Variants in C4orf50 observed in about 807,000 individuals in gnomAD.
C4orf50 encodes the protein chromosome 4 open reading frame 50, also known as uncharacterized protein C4orf50.
A neutral mutation model predicts 77.2 loss-of-function variants in C4orf50; 80 were observed. The ratio of observed to expected loss-of-function variants is 1.04; its 90% CI spans 0.87 to 1.25. The LOEUF (loss-of-function observed/expected upper bound fraction) is 1.25. Ranked by LOEUF, C4orf50 falls within the 50% of genes most tolerant of loss-of-function variation. C4orf50 has a pLI of 0.00. For missense variants in C4orf50, 1,257 were observed against 1,152.9 expected (o/e 1.09, Z -1.31); for synonymous variants, 532 against 465.3 (o/e 1.14, Z -1.84).
chr4:6,013,338 T>C (rs574925716), intron 23 of C4orf50, among the ~76,000 whole-genome samples: 11 of 152,274 alleles, frequency 7.2e-5, no homozygotes, highest in Non-Finnish European at 1.6e-4. Flanking sequence ...CGATGAGTTA[T>C]ACAATATGGG....
intron 32 of C4orf50, among the ~76,000 whole-genome samples, chr4:5,966,504 CA>C (rs1026428952): frequency 1.4e-4 from 21 of 150,944 alleles, no homozygotes; most frequent in African/African-American, 5.1e-4. Flanking sequence ...ATAAAAATAG[CA>C]GAATTAAAAA....
intron 25 of C4orf50, among the ~76,000 whole-genome samples, chr4:6,004,215 ATGGTGATGATG>A (rs1560598762): frequency 0.011 from 1,174 of 102,422 alleles, 2 homozygotes; most frequent in East Asian, 0.024. Context: ...GATGATGGTG[ATGGTGATGATG>A]TGATGGTGAT....
At chr4:5,961,782 T>C (rs1577935782) in intron 33 of C4orf50, among the ~76,000 whole-genome samples, 4 of 152,326 alleles carry the variant, frequency 2.6e-5, no homozygotes, top group African/African-American at 7.2e-5. Context: ...TTGTCAGCCT[T>C]TTCAGGACAT....
intron 7 of C4orf50, among the ~76,000 whole-genome samples, chr4:5,907,446 G>A (rs1295274129): frequency 6.6e-6 from 1 of 152,188 alleles, no homozygotes; most frequent in African/African-American, 2.4e-5. Context: ...TGGTGGTGGG[G>A]AGGGTCATGT....
At chr4:5,986,613 A>T (rs1266424100) in intron 28 of C4orf50, among the ~76,000 whole-genome samples, 1 of 148,496 alleles carries the variant, frequency 6.7e-6, no homozygotes, top group Non-Finnish European at 1.5e-5. Flanking sequence ...ATCTCGGCTC[A>T]CTGCAACCTC....
At chr4:5,909,032 T>C (rs1020434279) in intron 7 of C4orf50, among the ~76,000 whole-genome samples, 1 of 152,012 alleles carries the variant, frequency 6.6e-6, no homozygotes, top group Non-Finnish European at 1.5e-5. Flanking sequence ...CCCCACACAA[T>C]CCACTCTACA....
rs17708323 is a variant in C4orf50 at position 6,000,981 on chromosome 4, C to A, written c.964-6505G>T. On this transcript the variant is annotated intron_variant, in intron 25 of 33. Transcript: ENST00000531445. The surrounding 1 kb of genome is among the most constrained non-coding windows in gnomAD (Gnocchi z 6.0). ...ATCGGTAAGTGGCAGGAGAGCCCAC[C>A]TCCACCGGAAGTTAGAGCAAGTGAT... Among the ~76,000 whole-genome samples the A allele has an allele frequency of 0.099, 15,088 of 152,194 alleles. 996 individuals carry two copies. The highest frequency in any genetic ancestry group is 0.14 in the Non-Finnish European group (9,665 of 68,000).
At chr4:5,966,394 G>T (rs1356364866) in intron 32 of C4orf50, among the ~76,000 whole-genome samples, 1 of 151,880 alleles carries the variant, frequency 6.6e-6, no homozygotes. Context: ...AGAATTGCTT[G>T]CACTGAGGAG....
rs192540342 is a variant in C4orf50, at chr4:5,992,614, C to G, written c.1221+189G>C. 3.9e-5 allele frequency among the ~76,000 whole-genome samples: 6 copies of G among 152,212 alleles called. No individual in the cohort carries two copies. The highest frequency in any genetic ancestry group is 8.8e-5 in the Non-Finnish European group (6 of 67,990). ...AGTTAACCCCCTTCCTCCCCACCCC[C>G]CATCCAGGTCTCAGGATGTTTCATT... On this transcript the variant is annotated intron_variant, in intron 27 of 33. Coordinates refer to ENST00000531445, the Ensembl canonical transcript of C4orf50. This position sits in a 1 kb window ranked among gnomAD's most constrained non-coding sequence, Gnocchi z 5.0.
intron 25 of C4orf50, among the ~76,000 whole-genome samples, chr4:5,996,030 C>G (rs546366023): frequency 4.7e-4 from 72 of 152,192 alleles, no homozygotes; most frequent in Non-Finnish European, 8.7e-4. Flanking sequence ...CTTGGCTTCC[C>G]TCTGGCTACA....
chr4:5,957,329 A>G (rs1027545961), exon 34 of C4orf50: 5 of 152,272 alleles, frequency 3.3e-5, no homozygotes, highest in African/African-American at 9.6e-5. Context: ...TGGCTCAGCA[A>G]GGGCTCAGCT....
At chr4:5,907,544 G>T (rs1023524489) in intron 7 of C4orf50, among the ~76,000 whole-genome samples, 1 of 152,186 alleles carries the variant, frequency 6.6e-6, no homozygotes, top group African/African-American at 2.4e-5. Flanking sequence ...AATAACTGAT[G>T]ATCTCTACAG....
chr4:5,940,664 C>T (rs10030624), intron 7 of C4orf50, among the ~76,000 whole-genome samples: 1,895 of 152,306 alleles, frequency 0.012, 45 homozygotes, highest in African/African-American at 0.044. Flanking sequence ...GACTCCCCTG[C>T]CCCTCCCAGC....
intron 30 of C4orf50, among the ~76,000 whole-genome samples, chr4:5,974,756 A>G (rs1419506046): frequency 6.6e-6 from 1 of 152,216 alleles, no homozygotes; most frequent in Non-Finnish European, 1.5e-5. Context: ...AGCAAAGAAT[A>G]TATTAAACCC....
chr4:5,964,968 T>A, intron 33 of C4orf50, 56 bp downstream of exon 11: 1 of 1,561,378 alleles, frequency 6.4e-7, no homozygotes, highest in African/African-American at 1.4e-5. Flanking sequence ...TGTAAATGTG[T>A]TGTACTTTCA....
chr4:5,897,848 C>G (rs1260310798), exon 8 of C4orf50: 3 of 152,188 alleles, frequency 2.0e-5, no homozygotes, highest in Admixed American at 2.0e-4. Context: ...CGGAGGATAG[C>G]TGCCCCAGGA....
At chr4:5,948,295 T>C (rs80116545) in intron 7 of C4orf50, among the ~76,000 whole-genome samples, 5,806 of 152,310 alleles carry the variant, frequency 0.038, 315 homozygotes, top group African/African-American at 0.12. Flanking sequence ...AATGGTATTA[T>C]AGGACACCTC....
At chr4:5,910,195 T>C (rs1032016176) in intron 7 of C4orf50, among the ~76,000 whole-genome samples, 3 of 152,124 alleles carry the variant, frequency 2.0e-5, no homozygotes, top group Admixed American at 1.3e-4. Flanking sequence ...GAAACATACA[T>C]AAAAAAACCC....
At chr4:6,001,661 C>G (rs1424053484) in intron 25 of C4orf50, among the ~76,000 whole-genome samples, 1 of 152,244 alleles carries the variant, frequency 6.6e-6, no homozygotes, top group Non-Finnish European at 1.5e-5. Context: ...GCTATCTTCC[C>G]TCCTTCCTCC....
Sources: gnomAD v4.1 joint callset for allele counts (sites outside exome capture counted in the v4.1 genomes callset) on GRCh38, gnomAD v4.1.1 for gene constraint, Gnocchi (gnomAD v3.1) non-coding constraint, MANE v1.5 for transcripts, NCBI Gene and HGNC (gene_info 2026-07-23, HGNC 2026-07-21) for gene names.